LRP1B: variants seen among roughly 807,000 people sequenced by gnomAD.
The protein encoded by LRP1B is low-density lipoprotein receptor-related protein 1B.
A neutral mutation model predicts 556.6 loss-of-function variants in LRP1B; 217 were observed. The observed-to-expected ratio is 0.39, with a 90% CI of 0.35 to 0.44. The LOEUF is 0.44. LRP1B is among the 20% of genes least tolerant of loss of function. The pLI, the probability that LRP1B is intolerant of heterozygous loss-of-function variation, is 1.00. For synonymous variants in LRP1B, 2,047 were observed against 1,865.8 expected (o/e 1.10, Z -2.50); for missense variants, 5,053 against 5,620.8 (o/e 0.90, Z 3.23).
chr2:141,142,275 C>G (rs1209747696), intron 7 of LRP1B, among the ~76,000 whole-genome samples: 1 of 152,118 alleles, frequency 6.6e-6, no homozygotes, highest in Non-Finnish European at 1.5e-5. Flanking sequence ...GACTCTTAGA[C>G]AAAACACTAA....
chr2:140,856,736 GATACACACACACAC>G (rs1366781108), intron 27 of LRP1B, among the ~76,000 whole-genome samples: 5 of 128,878 alleles, frequency 3.9e-5, no homozygotes, highest in Non-Finnish European at 8.2e-5. Flanking sequence ...AACTAAGAGA[GATACACACACACAC>G]ACACACACAC....
chr2:141,925,259 C>T (rs1700301899), intron 1 of LRP1B, among the ~76,000 whole-genome samples: 2 of 152,046 alleles, frequency 1.3e-5, no homozygotes, highest in South Asian at 4.1e-4. Context: ...AAAAAGTTTC[C>T]AAAACAATCT....
chr2:141,832,429 G>A (rs1406795978), intron 1 of LRP1B, among the ~76,000 whole-genome samples: 1 of 151,216 alleles, frequency 6.6e-6, no homozygotes, highest in Non-Finnish European at 1.5e-5. Context: ...TATAAATTGA[G>A]GTAAATGAAC....
intron 7 of LRP1B, among the ~76,000 whole-genome samples, chr2:141,123,133 C>G (rs995214552): frequency 1.3e-4 from 20 of 151,640 alleles, no homozygotes; most frequent in Admixed American, 5.9e-4. Flanking sequence ...AGGAGATATA[C>G]CTAATGTAAA....
rs1218948308 is a variant in LRP1B, at chr2:141,015,848, A to G, written c.2038T>C (p.Trp680Arg). The G allele has an allele frequency of 6.2e-7, 1 of 1,613,612 alleles. No homozygotes were observed. The highest frequency in any genetic ancestry group is 1.3e-5 in the African/African-American group (1 of 74,996). ...DDSVGRIEKA[W>R]MDGFNRQIFV... is the part of the protein sequence containing the mutation. ...ATCTGCCGATTGAATCCATCCATCC[A>G]GGCCTTCTCAATCCTTCCCACGCTG... Residue 680 changes from tryptophan to arginine, a missense_variant, in exon 13 of 91, where the codon TGG becomes CGG. Around this residue, in one of 5 missense-constraint regions of LRP1B, gnomAD observed 3,619 missense variants for 3,931.9 expected, o/e 0.92. Transcript: ENST00000389484.
intron 1 of LRP1B, among the ~76,000 whole-genome samples, chr2:142,128,927 C>T (rs1407598890): frequency 4.6e-5 from 7 of 152,162 alleles, no homozygotes; most frequent in African/African-American, 1.4e-4. Context: ...CAGATATTTA[C>T]TCCAATCATG....
At chr2:141,490,283 G>C (rs55659265) in intron 2 of LRP1B, among the ~76,000 whole-genome samples, 1 of 151,724 alleles carries the variant, frequency 6.6e-6, no homozygotes, top group Non-Finnish European at 1.5e-5. Flanking sequence ...GTATTATTAT[G>C]AATATAAACA....
chr2:140,449,565 C>T (rs1686803088), intron 63 of LRP1B, among the ~76,000 whole-genome samples: 2 of 152,042 alleles, frequency 1.3e-5, no homozygotes, highest in Non-Finnish European at 2.9e-5. Context: ...TAACATTTTT[C>T]CTTTTCATTG....
intron 84 of LRP1B, among the ~76,000 whole-genome samples, chr2:140,296,295 A>G (rs778556024): frequency 2.6e-5 from 4 of 152,196 alleles, no homozygotes; most frequent in Non-Finnish European, 5.9e-5. Context: ...ACTTCTGTTC[A>G]ATCCCCAAGA....
At chr2:141,875,631 G>A (rs1420555325) in intron 1 of LRP1B, among the ~76,000 whole-genome samples, 1 of 151,802 alleles carries the variant, frequency 6.6e-6, no homozygotes, top group Non-Finnish European at 1.5e-5. Context: ...ATTATTCTCA[G>A]TCAGTAGTCT....
intron 3 of LRP1B, among the ~76,000 whole-genome samples, chr2:141,430,207 T>G (rs1177874522): frequency 1.3e-5 from 2 of 152,136 alleles, no homozygotes; most frequent in Non-Finnish European, 2.9e-5. Flanking sequence ...TCACTGGAAC[T>G]GTGACATCTT....
chr2:140,382,805 G>A (rs1191281130), intron 67 of LRP1B, among the ~76,000 whole-genome samples: 1 of 152,110 alleles, frequency 6.6e-6, no homozygotes, highest in East Asian at 1.9e-4. Context: ...TTATGTTGCT[G>A]TTATTTTTCA....
At chr2:140,277,654 C>G (rs6725209) in intron 84 of LRP1B, among the ~76,000 whole-genome samples, 111,193 of 151,846 alleles carry the variant, frequency 0.73, 40,966 homozygotes, top group Middle Eastern at 0.78. Context: ...AAAAGATGAG[C>G]GCCTGTACAT....
intron 18 of LRP1B, among the ~76,000 whole-genome samples, chr2:140,976,194 A>G (rs915022801): frequency 6.6e-6 from 1 of 152,066 alleles, no homozygotes; most frequent in South Asian, 2.1e-4. Context: ...TGCTGAGATA[A>G]CAGGCATGAG....
chr2:141,827,047 A>C (rs1436811951), intron 1 of LRP1B, among the ~76,000 whole-genome samples: 1 of 152,190 alleles, frequency 6.6e-6, no homozygotes, highest in East Asian at 1.9e-4. Context: ...ATGAGACCCA[A>C]CCATCCTTGT....
chr2:140,246,743 A>G (rs1681182730), intron 87 of LRP1B, among the ~76,000 whole-genome samples: 2 of 151,476 alleles, frequency 1.3e-5, no homozygotes, highest in South Asian at 4.1e-4. Context: ...AAAACATGGA[A>G]TTATTTTTCT....
At chr2:140,336,408 A>G (rs1681103080) in intron 77 of LRP1B, among the ~76,000 whole-genome samples, 1 of 149,658 alleles carries the variant, frequency 6.7e-6, no homozygotes, top group Non-Finnish European at 1.5e-5. Flanking sequence ...TTTGATGGAT[A>G]CAAACACTCA....
intron 57 of LRP1B, among the ~76,000 whole-genome samples, chr2:140,490,774 C>T (rs181318923): frequency 6.6e-6 from 1 of 152,218 alleles, no homozygotes; most frequent in East Asian, 1.9e-4. Context: ...AGAAGGCTTG[C>T]CATGGGTTCT....
chr2:142,104,565 T>C (rs1414084793), intron 1 of LRP1B, among the ~76,000 whole-genome samples: 2 of 152,130 alleles, frequency 1.3e-5, no homozygotes, highest in Non-Finnish European at 2.9e-5. Context: ...GGAGATAAGT[T>C]TGATACAATG....
Sources: gnomAD v4.1 joint callset for allele counts (sites outside exome capture counted in the v4.1 genomes callset) on GRCh38, gnomAD v4.1.1 for gene constraint, gnomAD v4.1.1 regional missense constraint, MANE v1.5 for transcripts, NCBI Gene and HGNC (gene_info 2026-07-23, HGNC 2026-07-21) for gene names.